Variants in PTPRO observed in about 807,000 individuals in gnomAD.
PTPRO encodes receptor-type tyrosine-protein phosphatase O.
A neutral mutation model predicts 145.2 loss-of-function variants in PTPRO; 62 were observed. The observed-to-expected ratio is 0.43, with a 90% CI of 0.35 to 0.53. The LOEUF is 0.53. PTPRO is among the 20% of genes least tolerant of loss of function. The pLI is 0.01. For synonymous variants in PTPRO, 565 were observed against 514.7 expected, an observed-to-expected ratio of 1.10 and a Z score of -1.32; for missense variants, 1,345 against 1,482.7, an observed-to-expected ratio of 0.91 and a Z score of 1.53.
At chr12:15,458,781 A>G (rs987942074) in intron 1 of PTPRO, among the ~76,000 whole-genome samples, 3 of 151,318 alleles carry the variant, frequency 2.0e-5, no homozygotes, top group Admixed American at 2.0e-4. Context: ...CATCTTTCTG[A>G]TGGTTATTTT....
chr12:15,555,669 A>T (rs992689760), intron 15 of PTPRO, among the ~76,000 whole-genome samples: 3 of 152,170 alleles, frequency 2.0e-5, no homozygotes, highest in Non-Finnish European at 4.4e-5. Context: ...CATACCAAAG[A>T]TATTTAGGAG....
intron 22 of PTPRO, 111 bp downstream of exon 22, chr12:15,580,942 C>G: frequency 9.1e-6 from 13 of 1,428,254 alleles, no homozygotes; most frequent in Non-Finnish European, 1.3e-5. Flanking sequence ...AGACAAATCG[C>G]TAAATTTAAA....
intron 1 of PTPRO, among the ~76,000 whole-genome samples, chr12:15,397,783 G>C (rs957042634): frequency 6.6e-6 from 1 of 152,082 alleles, no homozygotes; most frequent in Non-Finnish European, 1.5e-5. Flanking sequence ...GGTGTAGGGA[G>C]ATATAGATAA....
chr12:15,358,118 C>T (rs184949624), intron 1 of PTPRO, among the ~76,000 whole-genome samples: 67 of 151,066 alleles, frequency 4.4e-4, no homozygotes, highest in African/African-American at 1.5e-3. Flanking sequence ...TCATCATTCT[C>T]AGTAAACTAT....
chr12:15,564,056 C>T (rs990711245), intron 17 of PTPRO, among the ~76,000 whole-genome samples: 1 of 152,142 alleles, frequency 6.6e-6, no homozygotes, highest in Admixed American at 6.5e-5. Flanking sequence ...CTATGTCCAA[C>T]ATGATAGTGT....
chr12:15,522,492 A>G (rs1357083388), intron 10 of PTPRO, among the ~76,000 whole-genome samples: 1 of 152,084 alleles, frequency 6.6e-6, no homozygotes, highest in African/African-American at 2.4e-5. Flanking sequence ...GCTTTCAAAA[A>G]TAATCATTCA....
chr12:15,343,310 T>G (rs998833796), intron 1 of PTPRO, among the ~76,000 whole-genome samples: 2 of 152,128 alleles, frequency 1.3e-5, no homozygotes, highest in Non-Finnish European at 2.9e-5. Flanking sequence ...ATATTAGAAA[T>G]TATTGAAAGT....
At chr12:15,439,820 G>A (rs993765376) in intron 1 of PTPRO, 1 of 612,642 alleles carries the variant, frequency 1.6e-6, no homozygotes, top group Non-Finnish European at 3.0e-6. Flanking sequence ...TTTCTTGGGG[G>A]CCTCTCTCAA....
At chr12:15,541,712 C>T (rs903008446) in intron 12 of PTPRO, among the ~76,000 whole-genome samples, 5 of 152,278 alleles carry the variant, frequency 3.3e-5, no homozygotes, top group African/African-American at 9.6e-5. Context: ...TTAATCACCT[C>T]TTTAAAGGCC....
chr12:15,484,767 A>G (rs1156267396), intron 2 of PTPRO, among the ~76,000 whole-genome samples: 1 of 152,160 alleles, frequency 6.6e-6, no homozygotes, highest in African/African-American at 2.4e-5. Flanking sequence ...TTAAGAAAAA[A>G]TGCCAAGAAA....
chr12:15,517,053 T>C, intron 9 of PTPRO, 97 bp downstream of exon 9: 2 of 1,196,450 alleles, frequency 1.7e-6, no homozygotes, highest in South Asian at 2.4e-5. Context: ...TAAATTTGAT[T>C]ATTTTGTAAA....
At chr12:15,588,955 C>T (rs932730831) in intron 24 of PTPRO, among the ~76,000 whole-genome samples, 1 of 152,136 alleles carries the variant, frequency 6.6e-6, no homozygotes. Flanking sequence ...AGAAGGAACA[C>T]CAACCACAAC....
chr12:15,549,275 A>T, intron 14 of PTPRO, 49 bp downstream of exon 14: 1 of 1,377,312 alleles, frequency 7.3e-7, no homozygotes, highest in Non-Finnish European at 9.8e-7. Context: ...TTGAATATAT[A>T]TATATATATG....
In PTPRO at chr12:15,501,702, A is replaced by G. The variant is rs745648194; in HGVS notation, c.744A>G (p.Pro248=). 7 of 1,614,002 alleles carry G rather than the reference A, an allele frequency of 4.3e-6. No homozygotes were observed. The highest frequency in any genetic ancestry group is 5.9e-6 in the Non-Finnish European group (7 of 1,179,914). The change falls in exon 5 of 27, where the codon CCA becomes CCG. Residue 248 remains proline, a synonymous_variant. Coordinates refer to ENST00000281171, the MANE Select transcript of PTPRO (RefSeq NM_030667.3). ...GGGAAGAACAGAGTGGCAATTTCCCAGAAGAATCCTTCATGAGATCACAAG... is the reference window on the plus strand; with the variant it reads ...GGGAAGAACAGAGTGGCAATTTCCCGGAAGAATCCTTCATGAGATCACAAG... The part of the protein sequence containing the change: ...NNWEEQSGNF[P]EESFMRSQDT...
intron 1 of PTPRO, among the ~76,000 whole-genome samples, chr12:15,407,798 T>G (rs1204801290): frequency 6.6e-6 from 1 of 152,220 alleles, no homozygotes; most frequent in Non-Finnish European, 1.5e-5. Flanking sequence ...TTTCTTCAAA[T>G]TTTTCTCTGA....
intron 1 of PTPRO, among the ~76,000 whole-genome samples, chr12:15,463,548 A>G (rs1341480985): frequency 6.6e-6 from 1 of 152,214 alleles, no homozygotes; most frequent in Non-Finnish European, 1.5e-5. Flanking sequence ...GTCAGGCATT[A>G]AATAATTATA....
chr12:15,324,512 A>C (rs1591701891), intron 1 of PTPRO, among the ~76,000 whole-genome samples: 1 of 152,248 alleles, frequency 6.6e-6, no homozygotes, highest in African/African-American at 2.4e-5. Context: ...CCTGCTTCAC[A>C]TAATAGGTAT....
At chr12:15,357,713 A>G (rs946723440) in intron 1 of PTPRO, among the ~76,000 whole-genome samples, 2 of 151,470 alleles carry the variant, frequency 1.3e-5, no homozygotes, top group East Asian at 3.9e-4. Context: ...TTAGAATGGC[A>G]ATCATTAAAA....
At chr12:15,447,883 A>G (rs979710805) in intron 1 of PTPRO, among the ~76,000 whole-genome samples, 2 of 152,160 alleles carry the variant, frequency 1.3e-5, no homozygotes, top group Non-Finnish European at 2.9e-5. Context: ...AATCCCCTGT[A>G]TGAGGGAAAT....
Sources: gnomAD v4.1 joint callset for allele counts (sites outside exome capture counted in the v4.1 genomes callset) on GRCh38, gnomAD v4.1.1 for gene constraint, MANE v1.5 for transcripts, NCBI Gene and HGNC (gene_info 2026-07-23, HGNC 2026-07-21) for gene names.